PSMD14: variants seen among roughly 807,000 people sequenced by gnomAD.
PSMD14 encodes the protein ubiquitin C-terminal hydrolase PSMD14.
In PSMD14, 7 loss-of-function variants were observed where a neutral mutation model predicts 41.2. The ratio of observed to expected loss-of-function variants is 0.17; its 90% CI spans 0.10 to 0.32. The LOEUF is 0.32. Ranked by LOEUF, PSMD14 falls within the 10% of genes least tolerant of loss-of-function variation. The pLI, the probability that PSMD14 is intolerant of heterozygous loss-of-function variation, is 1.00. For missense variants in PSMD14, 139 were observed against 375.6 expected, an observed-to-expected ratio of 0.37 and a Z score of 5.21; for synonymous variants, 114 against 122.3, an observed-to-expected ratio of 0.93 and a Z score of 0.45.
chr2:161,379,359 G>A (rs115502544), intron 7 of PSMD14, among the ~76,000 whole-genome samples: 262 of 152,052 alleles, frequency 1.7e-3, no homozygotes, highest in Non-Finnish European at 3.1e-3. Flanking sequence ...TAGAAACACC[G>A]ATCATGCAGG....
At chr2:161,310,607 C>G (rs1225381216) in intron 1 of PSMD14, among the ~76,000 whole-genome samples, 1 of 152,150 alleles carries the variant, frequency 6.6e-6, no homozygotes, top group African/African-American at 2.4e-5. Flanking sequence ...ACAATTATAA[C>G]AAGAATAGCA....
intron 9 of PSMD14, 134 bp from the exon 10 acceptor site, chr2:161,394,944 G>A (rs778426687): frequency 5.3e-5 from 40 of 753,198 alleles, no homozygotes; most frequent in Non-Finnish European, 8.2e-5. Flanking sequence ...CATTCTAATT[G>A]GAGTTCATTT....
chr2:161,336,654 C>A (rs553276816), intron 3 of PSMD14, among the ~76,000 whole-genome samples: 1 of 152,170 alleles, frequency 6.6e-6, no homozygotes, highest in Non-Finnish European at 1.5e-5. Context: ...TGGCTCACTG[C>A]AACCTCTGCC....
At chr2:161,352,380 T>C (rs952191447) in intron 3 of PSMD14, among the ~76,000 whole-genome samples, 5 of 152,216 alleles carry the variant, frequency 3.3e-5, no homozygotes, top group Non-Finnish European at 5.9e-5. Context: ...CTTACATTCA[T>C]TGCTTATTTA....
At chr2:161,373,379 A>G (rs1212764755) in intron 7 of PSMD14, among the ~76,000 whole-genome samples, 1 of 151,868 alleles carries the variant, frequency 6.6e-6, no homozygotes, top group Non-Finnish European at 1.5e-5. Context: ...ATACTATTAT[A>G]TCTCTTGAAA....
At chr2:161,384,744 A>AG (rs1463482133) in intron 7 of PSMD14, 2 of 151,814 alleles carry the variant, frequency 1.3e-5, no homozygotes, top group Non-Finnish European at 2.9e-5. Context: ...ATTGTATCAT[A>AG]GGAGAATTTG....
chr2:161,347,119 G>A (rs1434815864), intron 3 of PSMD14, among the ~76,000 whole-genome samples: 1 of 152,178 alleles, frequency 6.6e-6, no homozygotes. Flanking sequence ...TCTCAAGGCA[G>A]TAAGCTAGGG....
At chr2:161,383,528 A>C (rs562842643) in intron 7 of PSMD14, 2 of 151,786 alleles carry the variant, frequency 1.3e-5, no homozygotes, top group East Asian at 3.9e-4. Flanking sequence ...ACACCTGCTT[A>C]TAATATTTCA....
chr2:161,325,992 A>G (rs1682689651), intron 3 of PSMD14, among the ~76,000 whole-genome samples: 1 of 152,202 alleles, frequency 6.6e-6, no homozygotes. Flanking sequence ...ACAAAAAAAA[A>G]TTTGTACCAA....
intron 3 of PSMD14, chr2:161,341,059 C>T (rs544554106): frequency 1.9e-6 from 3 of 1,575,724 alleles, no homozygotes; most frequent in Non-Finnish European, 2.6e-6. Flanking sequence ...TCGGGCTCCC[C>T]CGGTCCCGCA....
intron 1 of PSMD14, among the ~76,000 whole-genome samples, chr2:161,312,934 C>T (rs1324458546): frequency 6.6e-6 from 1 of 152,214 alleles, no homozygotes; most frequent in Non-Finnish European, 1.5e-5. Flanking sequence ...GAAGAAGGAT[C>T]TGTGTTGGTA....
intron 3 of PSMD14, among the ~76,000 whole-genome samples, chr2:161,333,217 T>G (rs1486151529): frequency 1.3e-5 from 2 of 152,276 alleles, no homozygotes; most frequent in Non-Finnish European, 2.9e-5. Context: ...CTCATCCTTA[T>G]ATTTTATAGG....
intron 10 of PSMD14, among the ~76,000 whole-genome samples, chr2:161,402,128 C>T (rs1683887517): frequency 6.6e-6 from 1 of 152,176 alleles, no homozygotes; most frequent in African/African-American, 2.4e-5. Flanking sequence ...ATTAATCTGC[C>T]TCTTCGCATT....
intron 3 of PSMD14, among the ~76,000 whole-genome samples, chr2:161,329,504 T>C (rs1310855769): frequency 6.6e-6 from 1 of 152,046 alleles, no homozygotes; most frequent in Non-Finnish European, 1.5e-5. Context: ...CTGGTTACCT[T>C]TTTTTTCTTT....
intron 1 of PSMD14, among the ~76,000 whole-genome samples, chr2:161,309,065 TC>T (rs1462334079): frequency 1.3e-5 from 2 of 152,170 alleles, no homozygotes; most frequent in Non-Finnish European, 2.9e-5. Context: ...TTCAGCTCCC[TC>T]CAAAAAGTAA....
chr2:161,356,938 T>C (rs974335026), intron 3 of PSMD14, among the ~76,000 whole-genome samples: 1 of 151,958 alleles, frequency 6.6e-6, no homozygotes, highest in Non-Finnish European at 1.5e-5. Context: ...CATAATAAAA[T>C]TGGCTAAATA....
At chr2:161,394,951 A>G in intron 9 of PSMD14, 127 bp from the exon 10 acceptor site, 1 of 832,348 alleles carries the variant, frequency 1.2e-6, no homozygotes, top group Non-Finnish European at 1.8e-6. Context: ...ATTGGAGTTC[A>G]TTTGAATTAA....
chr2:161,383,563 GT>G (rs1683595740), intron 7 of PSMD14: 1 of 151,438 alleles, frequency 6.6e-6, no homozygotes, highest in African/African-American at 2.4e-5. Flanking sequence ...ACTTCTACAA[GT>G]AAAATAGCTG....
chr2:161,341,223 G>GGCTCCA (rs1559042430), intron 3 of PSMD14: 1 of 976,946 alleles, frequency 1.0e-6, no homozygotes, highest in African/African-American at 1.8e-5. Flanking sequence ...GGCAGGCTCC[G>GGCTCCA]GGCTCGCGGC....
Sources: gnomAD v4.1 joint callset for allele counts (sites outside exome capture counted in the v4.1 genomes callset) on GRCh38, gnomAD v4.1.1 for gene constraint, MANE v1.5 for transcripts, NCBI Gene and HGNC (gene_info 2026-07-23, HGNC 2026-07-21) for gene names.